VTI1A: variants seen among roughly 807,000 people sequenced by gnomAD.
VTI1A encodes vesicle transport through interaction with t-SNAREs homolog 1A.
A neutral mutation model predicts 34.9 loss-of-function variants in VTI1A; 22 were observed. That is an observed-to-expected ratio of 0.63 (90% CI 0.45 to 0.90). The LOEUF is 0.90. VTI1A is among the 40% of genes least tolerant of loss of function. VTI1A has a pLI of 0.00. For synonymous variants in VTI1A, 87 were observed against 97.3 expected, an observed-to-expected ratio of 0.89 and a Z score of 0.62; for missense variants, 268 against 275.6, an observed-to-expected ratio of 0.97 and a Z score of 0.20.
At chr10:112,642,840 T>C (rs1327794153) in intron 5 of VTI1A, among the ~76,000 whole-genome samples, 1 of 152,020 alleles carries the variant, frequency 6.6e-6, no homozygotes, top group Non-Finnish European at 1.5e-5. Context: ...AGATAATGAA[T>C]TGAGTCCAGA....
chr10:112,641,863 C>T (rs1407076646), intron 5 of VTI1A, among the ~76,000 whole-genome samples: 1 of 152,112 alleles, frequency 6.6e-6, no homozygotes, highest in South Asian at 2.1e-4. Context: ...CCTGCACTTG[C>T]GCTTGTCTTT....
At chr10:112,506,113 A>G (rs1264555770) in intron 3 of VTI1A, among the ~76,000 whole-genome samples, 1 of 152,126 alleles carries the variant, frequency 6.6e-6, no homozygotes, top group African/African-American at 2.4e-5. Flanking sequence ...CCTAGAATAT[A>G]CTTAAACAAA....
chr10:112,851,972 T>G, the VTI1A span, among the ~76,000 whole-genome samples: 291 of 152,276 alleles, frequency 1.9e-3, 1 homozygote, highest in Non-Finnish European at 3.0e-3. Context: ...GACTTGCAGA[T>G]TCACTTCCTT....
At chr10:112,689,328 T>C (rs999952363) in intron 7 of VTI1A, among the ~76,000 whole-genome samples, 3 of 152,182 alleles carry the variant, frequency 2.0e-5, no homozygotes, top group Non-Finnish European at 4.4e-5. Flanking sequence ...GTAACAGTCA[T>C]GTGCACCTAC....
At chr10:112,494,187 C>T (rs1848932803) in intron 3 of VTI1A, among the ~76,000 whole-genome samples, 2 of 152,052 alleles carry the variant, frequency 1.3e-5, no homozygotes, top group Admixed American at 6.6e-5. Context: ...AGATTTCTAG[C>T]AATTTGTGCC....
intron 5 of VTI1A, chr10:112,548,807 T>C (rs968700919): frequency 2.0e-5 from 30 of 1,497,788 alleles, no homozygotes; most frequent in Non-Finnish European, 2.6e-5. Context: ...ATACCAACAA[T>C]GGCAGCATCA....
chr10:112,466,531 T>G (rs1427044757), intron 3 of VTI1A, among the ~76,000 whole-genome samples: 1 of 152,208 alleles, frequency 6.6e-6, no homozygotes, highest in Non-Finnish European at 1.5e-5. Context: ...GAAAGGCTAG[T>G]TTTTCTCAGT....
chr10:112,822,783 C>G (rs910926809), downstream of VTI1A, among the ~76,000 whole-genome samples: 3 of 152,202 alleles, frequency 2.0e-5, no homozygotes, highest in Non-Finnish European at 1.5e-5. Context: ...TCTAAATAAT[C>G]TAGCCTTTCC....
chr10:112,653,039 G>A (rs550970235), intron 5 of VTI1A, among the ~76,000 whole-genome samples: 21 of 152,338 alleles, frequency 1.4e-4, no homozygotes, highest in Non-Finnish European at 2.5e-4. Flanking sequence ...GGGCTCAAGA[G>A]CCCCATTACA....
chr10:112,576,519 T>A (rs561727595), intron 5 of VTI1A, among the ~76,000 whole-genome samples: 2 of 152,296 alleles, frequency 1.3e-5, no homozygotes, highest in African/African-American at 4.8e-5. Context: ...AATAAAAAAA[T>A]TTCCAAGTGG....
intron 5 of VTI1A, among the ~76,000 whole-genome samples, chr10:112,541,000 A>T (rs1201215311): frequency 6.6e-6 from 1 of 152,244 alleles, no homozygotes; most frequent in Non-Finnish European, 1.5e-5. Flanking sequence ...GAAGTAGAAC[A>T]TAGTGACTTT....
intron 5 of VTI1A, among the ~76,000 whole-genome samples, chr10:112,603,315 G>A (rs1018581145): frequency 6.6e-6 from 1 of 152,182 alleles, no homozygotes; most frequent in African/African-American, 2.4e-5. Flanking sequence ...AGAAAGACTT[G>A]TCCCATAGAA....
intron 5 of VTI1A, among the ~76,000 whole-genome samples, chr10:112,647,756 A>C (rs1316414583): frequency 1.3e-5 from 2 of 152,056 alleles, no homozygotes; most frequent in African/African-American, 4.8e-5. Flanking sequence ...TGCATTTTTT[A>C]AATTTATTTT....
chr10:112,497,517 C>T (rs1164971723), intron 3 of VTI1A, among the ~76,000 whole-genome samples: 1 of 152,168 alleles, frequency 6.6e-6, no homozygotes, highest in Non-Finnish European at 1.5e-5. Flanking sequence ...AACATACACA[C>T]ACACGTACTC....
chr10:112,502,175 A>G (rs1186497933), intron 3 of VTI1A, among the ~76,000 whole-genome samples: 2 of 151,682 alleles, frequency 1.3e-5, no homozygotes, highest in Non-Finnish European at 2.9e-5. Context: ...CCACAGGTGC[A>G]TGCCACCACA....
chr10:112,505,945 G>A (rs1161434044), intron 3 of VTI1A, among the ~76,000 whole-genome samples: 1 of 152,110 alleles, frequency 6.6e-6, no homozygotes, highest in Non-Finnish European at 1.5e-5. Context: ...GCTATCCATA[G>A]TATAGTATAA....
chr10:112,731,227 T>G, intron 7 of VTI1A, among the ~76,000 whole-genome samples: 1 of 152,026 alleles, frequency 6.6e-6, no homozygotes, highest in Non-Finnish European at 1.5e-5. Context: ...TGAAGGGAGA[T>G]TTCAGTCCAA....
chr10:112,707,340 T>A (rs2133912563), intron 7 of VTI1A, among the ~76,000 whole-genome samples: 1 of 150,770 alleles, frequency 6.6e-6, no homozygotes, highest in South Asian at 2.1e-4. Context: ...GGCTAACTAT[T>A]TTTTTTTTAT....
chr10:112,798,838 T>A (rs1326843222), intron 7 of VTI1A, among the ~76,000 whole-genome samples: 1 of 152,184 alleles, frequency 6.6e-6, no homozygotes, highest in African/African-American at 2.4e-5. Flanking sequence ...GACCTCTGGC[T>A]TTCCCATTCC....
Sources: gnomAD v4.1 joint callset for allele counts (sites outside exome capture counted in the v4.1 genomes callset) on GRCh38, gnomAD v4.1.1 for gene constraint, MANE v1.5 for transcripts, NCBI Gene and HGNC (gene_info 2026-07-23, HGNC 2026-07-21) for gene names.